The following PRKG1 variants were observed in gnomAD, a reference collection of about 807,000 sequenced individuals.
PRKG1 encodes protein kinase cGMP-dependent 1.
In PRKG1, 35 loss-of-function variants were observed where a neutral mutation model predicts 88.1. The ratio of observed to expected loss-of-function variants is 0.40; its 90% CI spans 0.30 to 0.53. PRKG1 has a LOEUF of 0.53. Among genes scored for constraint, PRKG1 ranks in the 20% least tolerant of loss-of-function variants. The pLI is 0.59. For synonymous variants in PRKG1, 303 were observed against 292.5 expected (o/e 1.04, Z -0.37); for missense variants, 540 against 839.8 (o/e 0.64, Z 4.41).
intron 5 of PRKG1, chr10:51,911,039 C>T (rs1842204656): frequency 1.3e-5 from 2 of 152,146 alleles, no homozygotes; most frequent in Admixed American, 1.3e-4. Flanking sequence ...TTTGCTGTGA[C>T]TTACTGGTCT....
At chr10:51,372,397 C>A (rs925554448) in intron 2 of PRKG1, among the ~76,000 whole-genome samples, 5 of 152,138 alleles carry the variant, frequency 3.3e-5, no homozygotes, top group African/African-American at 1.2e-4. Context: ...AATCACTTTA[C>A]TAATTCTAAT....
intron 3 of PRKG1, among the ~76,000 whole-genome samples, chr10:51,588,211 A>T (rs1838220659): frequency 1.3e-5 from 2 of 152,058 alleles, no homozygotes. Context: ...TATACAGTGC[A>T]CATTTTTTTT....
At chr10:51,369,819 G>A (rs17600755) in intron 2 of PRKG1, among the ~76,000 whole-genome samples, 9,416 of 152,048 alleles carry the variant, frequency 0.062, 371 homozygotes, top group East Asian at 0.13. Context: ...TATGCTCTAC[G>A]ACATCATCTC....
chr10:51,694,792 G>A (rs1256663682), intron 3 of PRKG1, among the ~76,000 whole-genome samples: 1 of 152,184 alleles, frequency 6.6e-6, no homozygotes, highest in African/African-American at 2.4e-5. Flanking sequence ...AAAAGATTCT[G>A]ATTGTGGCAA....
intron 3 of PRKG1, among the ~76,000 whole-genome samples, chr10:51,657,561 G>A (rs1347096226): frequency 6.6e-6 from 1 of 152,088 alleles, no homozygotes; most frequent in Non-Finnish European, 1.5e-5. Context: ...GATTCAGAAG[G>A]TTTTGTAGTA....
intron 2 of PRKG1, among the ~76,000 whole-genome samples, chr10:51,251,932 T>A (rs1022103369): frequency 1.3e-5 from 2 of 151,994 alleles, no homozygotes; most frequent in South Asian, 4.1e-4. Context: ...CATAATTTAC[T>A]GCTGCTAGTA....
rs1322320716 is a variant in PRKG1, at chr10:52,293,876, C to G, written c.2037C>G (p.Asn679Lys). Reference sequence around the variant, plus strand: ...ACGATGAACCACCACCTGATGACAACTCAGGATGGGATATAGACTTCTAAT... The same window carrying G: ...ACGATGAACCACCACCTGATGACAAGTCAGGATGGGATATAGACTTCTAAT... ...EDNDEPPPDDNSGWDIDF is the reference protein window; with the variant it reads ...EDNDEPPPDDKSGWDIDF The change falls in exon 18 of 18, where the codon AAC becomes AAG. Residue 679 changes from asparagine (N) to lysine (K), a missense_variant. Physicochemically the swap from Asn to Lys is moderately conservative, Grantham distance 94 (BLOSUM62 0). Transcript: ENST00000373980. 2.5e-6 allele frequency: 4 copies of G among 1,611,916 alleles called. No individual in the cohort carries two copies. In the African/African-American group the frequency reaches 5.3e-5, roughly 22 times the overall value.
intron 4 of PRKG1, among the ~76,000 whole-genome samples, chr10:51,883,563 G>A (rs554302361): frequency 4.8e-4 from 73 of 152,262 alleles, no homozygotes; most frequent in African/African-American, 1.8e-3. Flanking sequence ...TTTGCTTATG[G>A]TAAGAAATAA....
At chr10:52,111,328 C>G (rs1847559292) in intron 7 of PRKG1, among the ~76,000 whole-genome samples, 1 of 152,214 alleles carries the variant, frequency 6.6e-6, no homozygotes, top group African/African-American at 2.4e-5. Context: ...ACAAAAATGT[C>G]AGCTATTATA....
intron 8 of PRKG1, among the ~76,000 whole-genome samples, chr10:52,137,424 CAATT>C (rs915746467): frequency 8.6e-5 from 13 of 151,984 alleles, no homozygotes; most frequent in Admixed American, 2.6e-4. Context: ...ATATAAAAAA[CAATT>C]AAGTACCTTT....
chr10:52,085,605 G>A (rs1254045405), intron 7 of PRKG1, among the ~76,000 whole-genome samples: 1 of 151,772 alleles, frequency 6.6e-6, no homozygotes, highest in African/African-American at 2.4e-5. Flanking sequence ...TATATTTTCT[G>A]TCTCAACTTT....
chr10:51,317,046 C>T (rs1841341521), intron 2 of PRKG1, among the ~76,000 whole-genome samples: 1 of 152,214 alleles, frequency 6.6e-6, no homozygotes, highest in African/African-American at 2.4e-5. Flanking sequence ...TGGTAGGTAT[C>T]TGCCTACAAG....
intron 2 of PRKG1, among the ~76,000 whole-genome samples, chr10:51,343,418 A>G (rs1012778849): frequency 6.6e-6 from 1 of 152,200 alleles, no homozygotes; most frequent in Non-Finnish European, 1.5e-5. Context: ...CACAGTTGGC[A>G]TTCTGCAGTT....
chr10:51,156,341 A>C (rs1846214185), intron 2 of PRKG1, among the ~76,000 whole-genome samples: 3 of 147,176 alleles, frequency 2.0e-5, no homozygotes, highest in Admixed American at 2.0e-4. Flanking sequence ...GTAACAAAAT[A>C]AGAAAGAAAT....
intron 2 of PRKG1, among the ~76,000 whole-genome samples, chr10:51,303,474 G>A (rs1269143107): frequency 1.3e-5 from 2 of 151,540 alleles, no homozygotes; most frequent in Non-Finnish European, 2.9e-5. Flanking sequence ...AATGCCCCTT[G>A]TCTCTGCTTG....
chr10:51,005,741 C>A (rs939588623), intron 1 of PRKG1, among the ~76,000 whole-genome samples: 1 of 152,152 alleles, frequency 6.6e-6, no homozygotes, highest in Non-Finnish European at 1.5e-5. Context: ...CTATTTCAGG[C>A]TCAGGGAAAG....
intron 3 of PRKG1, among the ~76,000 whole-genome samples, chr10:51,635,610 A>G (rs1263581644): frequency 6.6e-6 from 1 of 152,142 alleles, no homozygotes; most frequent in African/African-American, 2.4e-5. Context: ...TAAATAAAAC[A>G]TGTCCTAGAC....
chr10:51,410,260 A>C (rs200688809), intron 2 of PRKG1, among the ~76,000 whole-genome samples: 1 of 132,414 alleles, frequency 7.6e-6, no homozygotes, highest in African/African-American at 3.1e-5. Flanking sequence ...GTGTGTGTGT[A>C]TATATATATA....
intron 3 of PRKG1, among the ~76,000 whole-genome samples, chr10:51,783,825 A>G (rs979219169): frequency 6.6e-6 from 1 of 152,192 alleles, no homozygotes; most frequent in South Asian, 2.1e-4. Context: ...AGAGCCTTCA[A>G]TAAAAACATT....
Sources: gnomAD v4.1 joint callset for allele counts (sites outside exome capture counted in the v4.1 genomes callset) on GRCh38, gnomAD v4.1.1 for gene constraint, MANE v1.5 for transcripts, NCBI Gene and HGNC (gene_info 2026-07-23, HGNC 2026-07-21) for gene names.